The following ZFAND3 variants were observed in gnomAD, a reference collection of about 807,000 sequenced individuals.
ZFAND3 encodes AN1-type zinc finger protein 3.
Under a neutral mutation model 29.6 loss-of-function variants are expected in ZFAND3, and 10 were observed. The ratio of observed to expected loss-of-function variants is 0.34; its 90% confidence interval spans 0.21 to 0.57. The LOEUF is 0.57. ZFAND3 is among the 20% of genes least tolerant of loss of function. The pLI is 0.86. For missense variants in ZFAND3, 230 were observed against 304.5 expected (o/e 0.76, Z 1.82); for synonymous variants, 128 against 112.6 (o/e 1.14, Z -0.87).
chr6:37,825,616 G>A (rs1400147125), intron 1 of ZFAND3, among the ~76,000 whole-genome samples: 1 of 151,844 alleles, frequency 6.6e-6, no homozygotes, highest in Admixed American at 6.6e-5. Flanking sequence ...GGCTCTTTTG[G>A]TTTTATCATC....
chr6:37,995,178 C>G (rs373529761), intron 2 of ZFAND3, among the ~76,000 whole-genome samples: 1 of 152,094 alleles, frequency 6.6e-6, no homozygotes, highest in Admixed American at 6.5e-5. Context: ...CTTGACAGAT[C>G]CTATTAACCC....
intron 4 of ZFAND3, among the ~76,000 whole-genome samples, chr6:38,092,985 G>A (rs1305414148): frequency 6.6e-6 from 1 of 152,148 alleles, no homozygotes; most frequent in East Asian, 1.9e-4. Flanking sequence ...GCCTTAAGGT[G>A]TGCCTAGGTG....
rs1031935886 is a variant in ZFAND3 at position 38,061,642 on chromosome 6, C to G, written c.162C>G (p.Asn54Lys). The change falls in exon 3 of 6, where the codon AAC (asparagine) becomes AAG (lysine). Residue 54 changes from asparagine to lysine, a missense_variant. Transcript: ENST00000287218. Reference protein sequence around the residue: ...PDDDSAPSTSNSQSDLFSEET... With the variant: ...PDDDSAPSTSKSQSDLFSEET... ...ATGATTCCGCTCCAAGTACAAGTAA[C>G]AGCCAATCAGATTTGTTTTCCGAAG... 1 of 1,614,172 alleles carries G rather than the reference C, an allele frequency of 6.2e-7. No individual in the cohort carries two copies. Among genetic ancestry groups the G allele is most frequent in the African/African-American group, 1.3e-5 (1 of 75,042 alleles).
intron 2 of ZFAND3, among the ~76,000 whole-genome samples, chr6:38,029,914 A>G (rs530374973): frequency 6.6e-6 from 1 of 151,980 alleles, no homozygotes; most frequent in East Asian, 1.9e-4. Context: ...AGAAAAACAT[A>G]AAGTTTATAT....
chr6:38,042,587 C>T (rs572364409), intron 2 of ZFAND3, among the ~76,000 whole-genome samples: 1 of 152,164 alleles, frequency 6.6e-6, no homozygotes, highest in South Asian at 2.1e-4. Context: ...GTGCTGGGAT[C>T]GCAAACTTGG....
At chr6:38,026,051 T>A (rs903386442) in intron 2 of ZFAND3, among the ~76,000 whole-genome samples, 20 of 152,222 alleles carry the variant, frequency 1.3e-4, no homozygotes, top group Non-Finnish European at 2.1e-4. Flanking sequence ...ATATGTAAAT[T>A]GTATCTCAAT....
At chr6:38,147,793 G>A (rs1766140926) in intron 5 of ZFAND3, among the ~76,000 whole-genome samples, 1 of 151,966 alleles carries the variant, frequency 6.6e-6, no homozygotes, top group African/African-American at 2.4e-5. Context: ...GTCTATTCAT[G>A]TCCTTTGCCA....
At chr6:37,956,864 G>A (rs541028713) in intron 2 of ZFAND3, among the ~76,000 whole-genome samples, 59 of 152,272 alleles carry the variant, frequency 3.9e-4, no homozygotes, top group Admixed American at 1.4e-3. Flanking sequence ...GAGGGAAAGC[G>A]TGGGAAGAAG....
At chr6:38,002,212 A>G (rs1561962265) in intron 2 of ZFAND3, among the ~76,000 whole-genome samples, 1 of 152,166 alleles carries the variant, frequency 6.6e-6, no homozygotes, top group Non-Finnish European at 1.5e-5. Flanking sequence ...CAATGAAGAC[A>G]TAATGGATAC....
At chr6:37,991,873 C>T (rs1168337893) in intron 2 of ZFAND3, among the ~76,000 whole-genome samples, 1 of 152,034 alleles carries the variant, frequency 6.6e-6, no homozygotes, top group African/African-American at 2.4e-5. Context: ...GAAATCCTAC[C>T]AGAAGGAGTT....
chr6:38,009,204 G>A (rs1763103042), intron 2 of ZFAND3, among the ~76,000 whole-genome samples: 1 of 152,180 alleles, frequency 6.6e-6, no homozygotes, highest in Non-Finnish European at 1.5e-5. Flanking sequence ...AAAATTTAAA[G>A]AGAAAACTTT....
At chr6:37,827,150 G>A (rs562518389) in intron 1 of ZFAND3, among the ~76,000 whole-genome samples, 15 of 152,298 alleles carry the variant, frequency 9.8e-5, no homozygotes, top group Non-Finnish European at 1.3e-4. Flanking sequence ...ATTTCCACTG[G>A]GAGAAGCAAT....
intron 3 of ZFAND3, among the ~76,000 whole-genome samples, chr6:38,075,154 GT>G (rs1397924109): frequency 6.6e-6 from 1 of 152,140 alleles, no homozygotes; most frequent in Non-Finnish European, 1.5e-5. Flanking sequence ...TGAGTTTTAA[GT>G]CATAATTATT....
intron 2 of ZFAND3, among the ~76,000 whole-genome samples, chr6:38,054,069 A>G (rs978912232): frequency 6.6e-6 from 1 of 151,806 alleles, no homozygotes; most frequent in Non-Finnish European, 1.5e-5. Context: ...TATTGTATGT[A>G]TATATTTTTA....
intron 1 of ZFAND3, among the ~76,000 whole-genome samples, chr6:37,917,379 C>T (rs1296747032): frequency 6.6e-6 from 1 of 152,204 alleles, no homozygotes; most frequent in African/African-American, 2.4e-5. Flanking sequence ...AACACTACCC[C>T]TGTAGCAACT....
At chr6:37,838,280 T>G (rs1057004238) in intron 1 of ZFAND3, among the ~76,000 whole-genome samples, 1 of 152,114 alleles carries the variant, frequency 6.6e-6, no homozygotes, top group Non-Finnish European at 1.5e-5. Flanking sequence ...TTCCTCAAAT[T>G]TTTTTTTGCT....
At position 37,824,620 on chromosome 6, in the gene ZFAND3, T is replaced by C. The variant is rs146514464; in HGVS notation, c.71+4604T>C. On this transcript the variant is annotated intron_variant, in intron 1 of 5. Coordinates refer to ENST00000287218, the MANE Select transcript of ZFAND3 (RefSeq NM_021943.3). ...TTTTGTAAATAAGCTTAAAGCGTAC[T>C]AGACATAAATGTTCAGTCTGGTATT... 2.6e-3 allele frequency among the ~76,000 whole-genome samples: 402 copies of C among 152,338 alleles called. 2 individuals are homozygous for C. The highest frequency in any genetic ancestry group is 9.4e-3 in the African/African-American group (390 of 41,586).
At chr6:37,918,951 C>CTTTTTTTTTTTTTTTTTTTTTTTTTTTT (rs66941014) in intron 1 of ZFAND3, among the ~76,000 whole-genome samples, 1 of 104,738 alleles carries the variant, frequency 9.5e-6, no homozygotes, top group African/African-American at 4.1e-5. Context: ...TGAAAAATGC[C>CTTTTTTTTTTTTTTTTTTTTTTTTTTTT]TTTTTTTTTT....
intron 1 of ZFAND3, among the ~76,000 whole-genome samples, chr6:37,900,583 A>G (rs906218242): frequency 3.3e-5 from 5 of 152,194 alleles, no homozygotes; most frequent in African/African-American, 1.2e-4. Flanking sequence ...TTGGAAAAGC[A>G]CTAGTATTTT....
Sources: gnomAD v4.1 joint callset for allele counts (sites outside exome capture counted in the v4.1 genomes callset) on GRCh38, gnomAD v4.1.1 for gene constraint, MANE v1.5 for transcripts, NCBI Gene and HGNC (gene_info 2026-07-23, HGNC 2026-07-21) for gene names.